AOPEP: variants seen among roughly 807,000 people sequenced by gnomAD.
The protein encoded by AOPEP is aminopeptidase O.
A neutral mutation model predicts 98.1 loss-of-function variants in AOPEP; 77 were observed. The ratio of observed to expected loss-of-function variants is 0.78; its 90% CI spans 0.65 to 0.95. The LOEUF is 0.95. Ranked by LOEUF, AOPEP falls within the 40% of genes least tolerant of loss-of-function variation. The probability of loss-of-function intolerance (pLI) is 0.00; values close to 1 mark genes in which losing one functional copy is unlikely to be tolerated. For synonymous variants in AOPEP, 346 were observed against 365.3 expected, an observed-to-expected ratio of 0.95 and a Z score of 0.60; for missense variants, 1,024 against 1,024.7, an observed-to-expected ratio of 1.00 and a Z score of 0.01.
At chr9:94,906,921 G>C (rs979447435) in intron 5 of AOPEP, among the ~76,000 whole-genome samples, 1 of 152,168 alleles carries the variant, frequency 6.6e-6, no homozygotes, top group Non-Finnish European at 1.5e-5. Flanking sequence ...GAATCACCTG[G>C]TGACCCACAG....
chr9:94,958,804 A>G (rs998866314), intron 9 of AOPEP, among the ~76,000 whole-genome samples: 1 of 152,116 alleles, frequency 6.6e-6, no homozygotes, highest in African/African-American at 2.4e-5. Flanking sequence ...ATTTTCAAAT[A>G]TTTTGTTTTA....
intron 3 of AOPEP, among the ~76,000 whole-genome samples, chr9:94,785,496 A>T (rs1279607584): frequency 6.6e-6 from 1 of 152,178 alleles, no homozygotes; most frequent in Non-Finnish European, 1.5e-5. Context: ...GCGTTAGAGA[A>T]CTCTGGTCTC....
At chr9:94,884,365 T>C (rs1289169391) in intron 5 of AOPEP, among the ~76,000 whole-genome samples, 2 of 152,204 alleles carry the variant, frequency 1.3e-5, no homozygotes, top group Admixed American at 6.5e-5. Context: ...GGAATTGGCC[T>C]GTGGTACCTC....
chr9:94,883,483 A>G (rs1182930357), intron 5 of AOPEP, among the ~76,000 whole-genome samples: 2 of 152,178 alleles, frequency 1.3e-5, no homozygotes, highest in Admixed American at 6.5e-5. Flanking sequence ...CTGCCTGTCA[A>G]TGGTTGAAGT....
At chr9:94,993,159 C>T (rs2061000066) in intron 11 of AOPEP, among the ~76,000 whole-genome samples, 1 of 152,148 alleles carries the variant, frequency 6.6e-6, no homozygotes, top group South Asian at 2.1e-4. Flanking sequence ...AAAATTTTTG[C>T]TGGCCTTTTT....
At chr9:94,748,475 A>G (rs1302545728) in intron 1 of AOPEP, among the ~76,000 whole-genome samples, 2 of 152,214 alleles carry the variant, frequency 1.3e-5, no homozygotes, top group Admixed American at 1.3e-4. Flanking sequence ...AAAAAGTTGC[A>G]AACATAGTAT....
intron 16 of AOPEP, among the ~76,000 whole-genome samples, chr9:95,083,737 C>T (rs2070211057): frequency 6.6e-6 from 1 of 152,220 alleles, no homozygotes; most frequent in Non-Finnish European, 1.5e-5. Flanking sequence ...GTGCACGCAC[C>T]ACACAGCACC....
At chr9:94,835,214 T>G (rs2041437593) in intron 5 of AOPEP, among the ~76,000 whole-genome samples, 1 of 152,182 alleles carries the variant, frequency 6.6e-6, no homozygotes, top group Admixed American at 6.5e-5. Context: ...CAGAATAGAT[T>G]GGTTGGACAA....
chr9:94,796,967 T>C (rs1055834586), intron 4 of AOPEP, among the ~76,000 whole-genome samples: 1 of 152,128 alleles, frequency 6.6e-6, no homozygotes, highest in Non-Finnish European at 1.5e-5. Flanking sequence ...ATTAAAGGCA[T>C]GGAAAATGGG....
intron 1 of AOPEP, among the ~76,000 whole-genome samples, chr9:94,727,615 A>G (rs116530146): frequency 6.6e-6 from 1 of 152,248 alleles, no homozygotes; most frequent in African/African-American, 2.4e-5. Context: ...TGGGACGAGA[A>G]GCAGAATTCT....
At chr9:94,900,110 G>C (rs1461181984) in intron 5 of AOPEP, among the ~76,000 whole-genome samples, 8 of 152,202 alleles carry the variant, frequency 5.3e-5, no homozygotes, top group Non-Finnish European at 1.0e-4. Flanking sequence ...GCACTGGGCA[G>C]GGGGGTCAGA....
At chr9:95,136,512 A>C in the AOPEP span, among the ~76,000 whole-genome samples, 1 of 151,832 alleles carries the variant, frequency 6.6e-6, no homozygotes, top group Non-Finnish European at 1.5e-5. Flanking sequence ...AAAGATGCAA[A>C]GTCGTGCTCT....
chr9:95,136,646 C>G, the AOPEP span, among the ~76,000 whole-genome samples: 1 of 152,170 alleles, frequency 6.6e-6, no homozygotes, highest in African/African-American at 2.4e-5. Context: ...GTCACCACAT[C>G]TGGCTATTTT....
chr9:94,759,197 T>C (rs1284595538), intron 1 of AOPEP, among the ~76,000 whole-genome samples: 1 of 152,250 alleles, frequency 6.6e-6, no homozygotes, highest in Non-Finnish European at 1.5e-5. Flanking sequence ...TATTAAATTA[T>C]TACTCTCAAG....
chr9:94,732,320 C>T (rs1830744996), intron 1 of AOPEP, among the ~76,000 whole-genome samples: 1 of 151,850 alleles, frequency 6.6e-6, no homozygotes, highest in East Asian at 1.9e-4. Flanking sequence ...TACTAATTCC[C>T]ATCTCTTTTA....
intron 9 of AOPEP, among the ~76,000 whole-genome samples, chr9:94,960,045 AG>A: frequency 6.6e-6 from 1 of 152,334 alleles, no homozygotes; most frequent in East Asian, 1.9e-4. Context: ...AAGAATTAAG[AG>A]GTTGAAATTA....
chr9:94,922,585 T>C (rs1477650430), intron 5 of AOPEP, among the ~76,000 whole-genome samples: 1 of 152,200 alleles, frequency 6.6e-6, no homozygotes. Context: ...ACTTTCTCAG[T>C]TAGGGGAGTT....
At chr9:95,132,039 T>C in the AOPEP span, among the ~76,000 whole-genome samples, 4 of 152,230 alleles carry the variant, frequency 2.6e-5, no homozygotes, top group Admixed American at 2.6e-4. Context: ...ATGAAGCATA[T>C]TCTGATATCA....
intron 14 of AOPEP, among the ~76,000 whole-genome samples, chr9:95,068,335 C>T (rs1368480227): frequency 3.1e-5 from 4 of 129,748 alleles, no homozygotes; most frequent in East Asian, 2.3e-4. Context: ...ACTTGTTGTC[C>T]GTCTTTTTTA....
Sources: gnomAD v4.1 joint callset for allele counts (sites outside exome capture counted in the v4.1 genomes callset) on GRCh38, gnomAD v4.1.1 for gene constraint, MANE v1.5 for transcripts, NCBI Gene and HGNC (gene_info 2026-07-23, HGNC 2026-07-21) for gene names.